The following SRGAP1 variants were observed in gnomAD, a reference collection of about 807,000 sequenced individuals.
SRGAP1 encodes the protein SLIT-ROBO Rho GTPase-activating protein 1.
A neutral mutation model predicts 121.9 loss-of-function variants in SRGAP1; 43 were observed. The observed-to-expected ratio is 0.35, with a 90% CI of 0.28 to 0.46. SRGAP1 has a LOEUF of 0.46. Among genes scored for constraint, SRGAP1 ranks in the 20% least tolerant of loss-of-function variants. The probability of loss-of-function intolerance (pLI) is 1.00; values close to 1 mark genes in which losing one functional copy is unlikely to be tolerated. For missense variants in SRGAP1, 1,102 were observed against 1,350.9 expected (o/e 0.82, Z 2.89); for synonymous variants, 447 against 485.4 (o/e 0.92, Z 1.04).
At chr12:64,123,485 G>A (rs2081493147) in intron 18 of SRGAP1, among the ~76,000 whole-genome samples, 1 of 152,108 alleles carries the variant, frequency 6.6e-6, no homozygotes, top group Non-Finnish European at 1.5e-5. Context: ...ACTATAATGA[G>A]ATCATTCCCT....
chr12:63,878,677 A>G (rs921452668), intron 1 of SRGAP1: 4 of 152,210 alleles, frequency 2.6e-5, no homozygotes, highest in Admixed American at 2.6e-4. Flanking sequence ...AGATTAAACC[A>G]TTACACCTTT....
chr12:64,148,050 T>C lies in SRGAP1; in HGVS notation c.*5378T>C, dbSNP rs1592365128. On this transcript the variant is annotated 3_prime_UTR_variant, in exon 22 of 22. Coordinates refer to ENST00000355086, the MANE Select transcript of SRGAP1 (RefSeq NM_020762.4). ...CCATGAAGCTGTGGTTTTTCAGTCA[T>C]GGTTTGGAGGCTCAATGTGTAGTCA... is the stretch of plus-strand genomic sequence containing the variant. 1 of 160,350 alleles carries C rather than the reference T, an allele frequency of 6.2e-6. No homozygotes were observed. Among genetic ancestry groups the C allele is most frequent in the South Asian group, 2.0e-4 (1 of 4,910 alleles). 9.9% of individuals were successfully genotyped at this position (160,350 alleles called of 1,614,324 possible).
chr12:64,132,361 A>T (rs2036798611), intron 21 of SRGAP1, among the ~76,000 whole-genome samples: 1 of 152,198 alleles, frequency 6.6e-6, no homozygotes, highest in Admixed American at 6.5e-5. Flanking sequence ...AGCAGCTTGC[A>T]CAGCAGCCTG....
intron 1 of SRGAP1, among the ~76,000 whole-genome samples, chr12:63,955,865 C>T (rs936054273): frequency 1.3e-5 from 2 of 151,914 alleles, no homozygotes; most frequent in African/African-American, 4.8e-5. Context: ...ATTATTTTGC[C>T]TGGACCCATT....
chr12:64,012,160 A>G (rs2034271071), intron 3 of SRGAP1, among the ~76,000 whole-genome samples: 1 of 152,226 alleles, frequency 6.6e-6, no homozygotes, highest in Non-Finnish European at 1.5e-5. Context: ...TGATGGAAAA[A>G]GATTAAAAAC....
chr12:63,845,702 T>G (rs1438657007), intron 1 of SRGAP1, among the ~76,000 whole-genome samples: 1 of 152,234 alleles, frequency 6.6e-6, no homozygotes, highest in Non-Finnish European at 1.5e-5. Flanking sequence ...TATTTTGTTT[T>G]GTTACTGAAG....
At chr12:63,863,488 T>C (rs1592893320) in intron 1 of SRGAP1, among the ~76,000 whole-genome samples, 1 of 152,090 alleles carries the variant, frequency 6.6e-6, no homozygotes, top group South Asian at 2.1e-4. Flanking sequence ...GCCAGGCTGG[T>C]CTCGAACTCC....
chr12:64,068,719 T>C (rs67686060), intron 8 of SRGAP1, among the ~76,000 whole-genome samples: 16,523 of 151,694 alleles, frequency 0.11, 1,181 homozygotes, highest in African/African-American at 0.19. Context: ...AAAAAAATAT[T>C]AATATGCAGG....
intron 1 of SRGAP1, among the ~76,000 whole-genome samples, chr12:63,914,582 C>T (rs551667603): frequency 7.8e-4 from 119 of 152,216 alleles, no homozygotes; most frequent in African/African-American, 2.8e-3. Flanking sequence ...ATTACTTGTA[C>T]CAATAAAAAG....
intron 1 of SRGAP1, among the ~76,000 whole-genome samples, chr12:63,947,916 T>C (rs2032100796): frequency 6.6e-6 from 1 of 152,178 alleles, no homozygotes; most frequent in South Asian, 2.1e-4. Context: ...GTATTAGCTA[T>C]AGGTTTTTCA....
chr12:64,133,770 G>T (rs926166298), intron 21 of SRGAP1, among the ~76,000 whole-genome samples: 15 of 152,146 alleles, frequency 9.9e-5, no homozygotes, highest in Non-Finnish European at 1.9e-4. Context: ...ATTCAAATTA[G>T]TCTTTTGTCC....
At chr12:64,010,957 T>A (rs1221644005) in intron 3 of SRGAP1, among the ~76,000 whole-genome samples, 1 of 151,546 alleles carries the variant, frequency 6.6e-6, no homozygotes. Context: ...AAAGACCTAA[T>A]CTCTTTCCTT....
intron 1 of SRGAP1, among the ~76,000 whole-genome samples, chr12:63,855,248 G>T (rs898972785): frequency 2.0e-5 from 3 of 152,064 alleles, no homozygotes; most frequent in Non-Finnish European, 2.9e-5. Context: ...AGGAAAATCA[G>T]CCTTAAGGAG....
Position 63,850,188 on chromosome 12 carries a change from C to T in SRGAP1, c.67+5305C>T, listed in dbSNP as rs1289438685. Among the ~76,000 whole-genome samples the T allele has an allele frequency of 3.9e-5, 6 of 152,138 alleles. No individual in the cohort carries two copies. In the East Asian group the frequency reaches 9.6e-4, roughly 24 times the overall value. ...TTGCGCTACTGCAACAAGGCCTTTACAGTGCCCTGAAAACCCGGTTAGTTT... is the reference window on the plus strand; with the variant it reads ...TTGCGCTACTGCAACAAGGCCTTTATAGTGCCCTGAAAACCCGGTTAGTTT... On this transcript the variant is annotated intron_variant, in intron 1 of 21. Coordinates refer to ENST00000355086, the MANE Select transcript of SRGAP1 (RefSeq NM_020762.4).
At chr12:63,909,942 A>T (rs2030413501) in intron 1 of SRGAP1, among the ~76,000 whole-genome samples, 1 of 152,246 alleles carries the variant, frequency 6.6e-6, no homozygotes, top group South Asian at 2.1e-4. Context: ...TATGGAAGGT[A>T]ATCTGCTTTA....
At chr12:64,122,046 T>G (rs1180190840) in intron 18 of SRGAP1, among the ~76,000 whole-genome samples, 1 of 152,128 alleles carries the variant, frequency 6.6e-6, no homozygotes, top group African/African-American at 2.4e-5. Context: ...GCAAGGACAG[T>G]GGGTAACAGA....
rs546850350 is a variant in SRGAP1, at chr12:63,960,463, C to G, written c.68-23484C>G. ...CCAGTCTGACCTTGCTGCAGTCATT[C>G]TGCTACCAGAGTGATCTTTTTTATG... On this transcript the variant is annotated intron_variant, in intron 1 of 21. Coordinates refer to ENST00000355086, the MANE Select transcript of SRGAP1 (RefSeq NM_020762.4). Among the ~76,000 whole-genome samples, 3 of 152,236 alleles carry G rather than the reference C, an allele frequency of 2.0e-5. No homozygotes were observed. The South Asian group carries it at 6.2e-4, about 32-fold the overall frequency.
At chr12:63,855,473 G>GTTTTTTGTTTTT (rs1899208078) in intron 1 of SRGAP1, among the ~76,000 whole-genome samples, 2 of 52,898 alleles carry the variant, frequency 3.8e-5, no homozygotes, top group African/African-American at 1.4e-4. Flanking sequence ...GAAAAATGGT[G>GTTTTTTGTTTTT]TTTTTTTTTT....
intron 1 of SRGAP1, among the ~76,000 whole-genome samples, chr12:63,873,411 T>C (rs867227894): frequency 1.3e-4 from 19 of 151,610 alleles, no homozygotes; most frequent in Admixed American, 2.6e-4. Context: ...CGCATGCCTG[T>C]AATCCCAGCT....
Sources: gnomAD v4.1 joint callset for allele counts (sites outside exome capture counted in the v4.1 genomes callset) on GRCh38, gnomAD v4.1.1 for gene constraint, MANE v1.5 for transcripts, NCBI Gene and HGNC (gene_info 2026-07-23, HGNC 2026-07-21) for gene names.